Variants in CDKAL1 observed in about 807,000 individuals in gnomAD.
CDKAL1 encodes threonylcarbamoyladenosine tRNA methylthiotransferase.
In CDKAL1, 32 loss-of-function variants were observed where a neutral mutation model predicts 68.2. The ratio of observed to expected loss-of-function variants is 0.47; its 90% CI spans 0.35 to 0.63. The LOEUF is 0.63. Ranked by LOEUF, CDKAL1 falls within the 30% of genes least tolerant of loss-of-function variation. CDKAL1 has a pLI of 0.00. For synonymous variants in CDKAL1, 234 were observed against 244.3 expected (o/e 0.96, Z 0.39); for missense variants, 606 against 696.7 (o/e 0.87, Z 1.47).
At chr6:20,697,886 TG>T in intron 5 of CDKAL1, among the ~76,000 whole-genome samples, 1 of 152,332 alleles carries the variant, frequency 6.6e-6, no homozygotes, top group African/African-American at 2.4e-5. Context: ...TCCTGGGCTT[TG>T]TCTTTTTGAC....
chr6:20,943,346 A>AAAAAAAG (rs1764083575), intron 9 of CDKAL1, among the ~76,000 whole-genome samples: 1 of 48,694 alleles, frequency 2.1e-5, no homozygotes, highest in African/African-American at 1.0e-4. Context: ...AAAAAAAAAG[A>AAAAAAAG]AAAAGAAAAA....
intron 2 of CDKAL1, among the ~76,000 whole-genome samples, chr6:20,541,542 G>C (rs1046716847): frequency 1.3e-5 from 2 of 152,150 alleles, no homozygotes; most frequent in African/African-American, 4.8e-5. Flanking sequence ...ATTCTTATTG[G>C]CTAGGCTTCT....
chr6:20,863,504 T>C (rs1474256357), intron 9 of CDKAL1, among the ~76,000 whole-genome samples: 1 of 152,230 alleles, frequency 6.6e-6, no homozygotes, highest in Non-Finnish European at 1.5e-5. Context: ...GCCTCTATGA[T>C]TCTCAGAACT....
At chr6:20,982,523 C>A (rs1409977783) in intron 10 of CDKAL1, among the ~76,000 whole-genome samples, 1 of 150,946 alleles carries the variant, frequency 6.6e-6, no homozygotes, top group Non-Finnish European at 1.5e-5. Context: ...ATTGGAAACA[C>A]AAAGAGAGCA....
At chr6:20,675,111 AATATT>A (rs773838461) in intron 5 of CDKAL1, among the ~76,000 whole-genome samples, 26 of 152,118 alleles carry the variant, frequency 1.7e-4, no homozygotes, top group Non-Finnish European at 3.1e-4. Context: ...AAAATAATAA[AATATT>A]ATCATTTGGG....
chr6:20,738,504 T>C (rs2150322946), intron 5 of CDKAL1, among the ~76,000 whole-genome samples: 1 of 150,566 alleles, frequency 6.6e-6, no homozygotes, highest in African/African-American at 2.4e-5. Context: ...TTTTTTTTTT[T>C]TTGATACACA....
intron 9 of CDKAL1, among the ~76,000 whole-genome samples, chr6:20,945,352 GA>G (rs1193376698): frequency 6.6e-6 from 1 of 151,984 alleles, no homozygotes; most frequent in African/African-American, 2.4e-5. Context: ...TCCATAATTT[GA>G]AAAAAATCTG....
intron 10 of CDKAL1, among the ~76,000 whole-genome samples, chr6:20,969,364 A>G (rs1308196518): frequency 6.6e-6 from 1 of 152,240 alleles, no homozygotes; most frequent in African/African-American, 2.4e-5. Context: ...TTTACTATTC[A>G]TTAAGTGGAA....
At chr6:21,011,151 G>T (rs1033960671) in intron 11 of CDKAL1, among the ~76,000 whole-genome samples, 1 of 151,524 alleles carries the variant, frequency 6.6e-6, no homozygotes, top group African/African-American at 2.4e-5. Context: ...GGCCAAGGCG[G>T]GTGGATCACA....
At chr6:20,594,692 G>A (rs9460529) in intron 4 of CDKAL1, among the ~76,000 whole-genome samples, 4,587 of 152,150 alleles carry the variant, frequency 0.03, 228 homozygotes, top group African/African-American at 0.1. Context: ...TATGGTTAGC[G>A]TTGTTATATG....
At chr6:21,114,124 T>C (rs1175517223) in intron 13 of CDKAL1, among the ~76,000 whole-genome samples, 4 of 151,594 alleles carry the variant, frequency 2.6e-5, no homozygotes, top group Non-Finnish European at 4.4e-5. Flanking sequence ...GGCCGGCGCC[T>C]GTAGTCCCCG....
intron 7 of CDKAL1, among the ~76,000 whole-genome samples, chr6:20,777,437 A>G (rs564780388): frequency 6.6e-6 from 1 of 152,018 alleles, no homozygotes; most frequent in Non-Finnish European, 1.5e-5. Flanking sequence ...ACATGGCAAG[A>G]CCTCATCTCT....
intron 9 of CDKAL1, among the ~76,000 whole-genome samples, chr6:20,872,155 T>C (rs765179466): frequency 2.6e-5 from 4 of 152,194 alleles, no homozygotes; most frequent in Non-Finnish European, 5.9e-5. Context: ...ACTTGTATTA[T>C]TGAACATATT....
At chr6:20,838,187 A>T (rs998812695) in intron 8 of CDKAL1, among the ~76,000 whole-genome samples, 1 of 152,108 alleles carries the variant, frequency 6.6e-6, no homozygotes, top group Non-Finnish European at 1.5e-5. Context: ...TTAAAGGATA[A>T]ATTATATGTC....
Position 20,594,399 on chromosome 6 carries a change from C to A in CDKAL1, c.286+45694C>A, listed in dbSNP as rs547661394. ...TATACATCTAGGTTAGTTAGCTCTT[C>A]TTGTTGCGTTGATCCCTTTACCATT... On this transcript the variant is annotated intron_variant, in intron 4 of 15. Transcript: ENST00000274695. Among the ~76,000 whole-genome samples, 8 of 152,288 alleles carry A rather than the reference C, an allele frequency of 5.3e-5. No homozygotes were observed. The South Asian group carries it at 1.7e-3, about 32-fold the overall frequency.
At chr6:20,716,053 G>T (rs1772076318) in intron 5 of CDKAL1, among the ~76,000 whole-genome samples, 2 of 152,198 alleles carry the variant, frequency 1.3e-5, no homozygotes, top group Non-Finnish European at 2.9e-5. Context: ...AAGGGAAAAG[G>T]ATTTGATAGA....
chr6:20,907,755 T>G (rs1298488338), intron 9 of CDKAL1, among the ~76,000 whole-genome samples: 1 of 152,068 alleles, frequency 6.6e-6, no homozygotes, highest in Non-Finnish European at 1.5e-5. Flanking sequence ...AGTCAGAAGC[T>G]GAGCACAGCC....
intron 9 of CDKAL1, among the ~76,000 whole-genome samples, chr6:20,926,945 A>G (rs1436399945): frequency 6.7e-6 from 1 of 149,516 alleles, no homozygotes; most frequent in Non-Finnish European, 1.5e-5. Flanking sequence ...ATATAGAGAG[A>G]GAGAGACATG....
chr6:21,044,079 T>C (rs1361481665), intron 11 of CDKAL1, among the ~76,000 whole-genome samples: 1 of 152,248 alleles, frequency 6.6e-6, no homozygotes, highest in Non-Finnish European at 1.5e-5. Context: ...GGGCAATCTG[T>C]GATCCTGTTA....
Sources: allele counts gnomAD v4.1 joint callset (sites outside exome capture counted in the v4.1 genomes callset), GRCh38; gene constraint gnomAD v4.1.1; transcripts MANE v1.5; gene names NCBI Gene and HGNC (gene_info 2026-07-23, HGNC 2026-07-21).